MNAT1: variants seen among roughly 807,000 people sequenced by gnomAD.
MNAT1 encodes CDK-activating kinase assembly factor MAT1.
Under a neutral mutation model 42.0 loss-of-function variants are expected in MNAT1, and 43 were observed. The ratio of observed to expected loss-of-function variants is 1.02; its 90% CI spans 0.80 to 1.32. MNAT1 has a LOEUF of 1.32. MNAT1 is among the 40% of genes most tolerant of loss of function. MNAT1 has a pLI of 0.00. For synonymous variants in MNAT1, 118 were observed against 120.0 expected (o/e 0.98, Z 0.11); for missense variants, 306 against 350.4 (o/e 0.87, Z 1.01).
chr14:60,913,764 C>T (rs1263666105), intron 7 of MNAT1, among the ~76,000 whole-genome samples: 1 of 152,174 alleles, frequency 6.6e-6, no homozygotes, highest in Non-Finnish European at 1.5e-5. Flanking sequence ...AGTTAGGCTA[C>T]TCTGGGGTCA....
intron 6 of MNAT1, among the ~76,000 whole-genome samples, chr14:60,873,923 A>G (rs182020015): frequency 3.6e-4 from 55 of 152,290 alleles, no homozygotes; most frequent in Non-Finnish European, 5.9e-4. Flanking sequence ...TTATTGATTG[A>G]ACATTTAGTT....
intron 1 of MNAT1, among the ~76,000 whole-genome samples, chr14:60,784,224 A>G (rs1482351408): frequency 3.3e-5 from 3 of 91,114 alleles, no homozygotes; most frequent in Non-Finnish European, 6.1e-5. Context: ...AGGTTTTGCC[A>G]TGTTGGCCAG....
At chr14:60,927,936 T>G (rs1235221200) in intron 7 of MNAT1, among the ~76,000 whole-genome samples, 1 of 152,208 alleles carries the variant, frequency 6.6e-6, no homozygotes, top group Non-Finnish European at 1.5e-5. Flanking sequence ...TTAAACAAAG[T>G]GCCTGCATTT....
At chr14:60,814,574 A>G (rs1416280342) in intron 5 of MNAT1, among the ~76,000 whole-genome samples, 7 of 152,136 alleles carry the variant, frequency 4.6e-5, no homozygotes, top group Admixed American at 4.6e-4. Flanking sequence ...ATATGTATAT[A>G]TGTGTTCTTC....
At chr14:60,884,344 G>A (rs1594831600) in intron 7 of MNAT1, among the ~76,000 whole-genome samples, 1 of 152,126 alleles carries the variant, frequency 6.6e-6, no homozygotes, top group East Asian at 1.9e-4. Flanking sequence ...TCCTCACTCT[G>A]TTGATATGAT....
chr14:60,780,667 GAT>G, intron 1 of MNAT1: 2 of 923,474 alleles, frequency 2.2e-6, no homozygotes, highest in Non-Finnish European at 3.3e-6. Context: ...ATCTATAGTT[GAT>G]ATGTTTTATT....
At chr14:60,814,566 A>G (rs1026493598) in intron 5 of MNAT1, among the ~76,000 whole-genome samples, 10 of 152,144 alleles carry the variant, frequency 6.6e-5, no homozygotes, top group African/African-American at 2.4e-4. Context: ...TGGGGAAAAT[A>G]TGTATATATG....
intron 7 of MNAT1, among the ~76,000 whole-genome samples, chr14:60,927,520 G>C (rs1393079010): frequency 2.0e-5 from 3 of 152,164 alleles, no homozygotes; most frequent in African/African-American, 7.2e-5. Context: ...CCAGAAAGGA[G>C]CCCTGAATTC....
intron 6 of MNAT1, among the ~76,000 whole-genome samples, chr14:60,832,565 GT>G (rs1207872374): frequency 6.6e-6 from 1 of 151,948 alleles, no homozygotes; most frequent in South Asian, 2.1e-4. Flanking sequence ...GTACCATGTT[GT>G]TTTAGTTACT....
intron 7 of MNAT1, among the ~76,000 whole-genome samples, chr14:60,954,095 G>C (rs2036435425): frequency 6.6e-6 from 1 of 151,934 alleles, no homozygotes; most frequent in African/African-American, 2.4e-5. Flanking sequence ...AGGCTGTTTT[G>C]ATTACTTTAG....
chr14:60,852,793 T>A (rs1425307233), intron 6 of MNAT1, among the ~76,000 whole-genome samples: 1 of 152,238 alleles, frequency 6.6e-6, no homozygotes, highest in Non-Finnish European at 1.5e-5. Flanking sequence ...CACCATTTAT[T>A]AAATAGGGAA....
rs140445284 is a variant in MNAT1, at chr14:60,850,611, C to A, written c.688-29103C>A. On this transcript the variant is annotated intron_variant, in intron 6 of 7. Coordinates refer to ENST00000261245, the MANE Select transcript of MNAT1 (RefSeq NM_002431.4). ...TGGGACTTGGGCAAATAACCTTATT[C>A]ATGCTTGGAATAACCTTACAGTGTA... 1.9e-3 allele frequency among the ~76,000 whole-genome samples: 291 copies of A among 152,244 alleles called. 1 individual carries two copies. Among genetic ancestry groups the A allele is most frequent in the African/African-American group, 6.7e-3 (278 of 41,536 alleles).
intron 7 of MNAT1, among the ~76,000 whole-genome samples, chr14:60,939,290 C>G (rs2036082144): frequency 6.6e-6 from 1 of 152,050 alleles, no homozygotes; most frequent in African/African-American, 2.4e-5. Flanking sequence ...ATGTGTTTGT[C>G]CCTTGCTTCT....
intron 6 of MNAT1, among the ~76,000 whole-genome samples, chr14:60,827,789 T>C (rs2139378177): frequency 6.6e-6 from 1 of 152,336 alleles, no homozygotes; most frequent in African/African-American, 2.4e-5. Flanking sequence ...AATAGTCTTA[T>C]CAGATCTTAT....
intron 6 of MNAT1, among the ~76,000 whole-genome samples, chr14:60,831,420 A>T (rs949220371): frequency 2.6e-5 from 4 of 152,122 alleles, no homozygotes; most frequent in African/African-American, 9.7e-5. Context: ...GAGTGAGAAC[A>T]TGTGGTGTTT....
intron 1 of MNAT1, among the ~76,000 whole-genome samples, chr14:60,748,366 G>A (rs1314707867): frequency 2.0e-5 from 3 of 151,964 alleles, no homozygotes; most frequent in Admixed American, 6.6e-5. Flanking sequence ...GAATAGCTGC[G>A]ACTCCAGGTT....
At chr14:60,876,814 T>C (rs79444114) in intron 6 of MNAT1, among the ~76,000 whole-genome samples, 2 of 152,214 alleles carry the variant, frequency 1.3e-5, no homozygotes, top group Non-Finnish European at 2.9e-5. Flanking sequence ...CACCACATAT[T>C]GTTTATTCAT....
intron 6 of MNAT1, among the ~76,000 whole-genome samples, chr14:60,822,027 T>C (rs2032904311): frequency 6.6e-6 from 1 of 152,220 alleles, no homozygotes; most frequent in African/African-American, 2.4e-5. Flanking sequence ...CCATTACCAA[T>C]GAGAATTACA....
intron 6 of MNAT1, among the ~76,000 whole-genome samples, chr14:60,873,635 A>AT (rs11351310): frequency 2.8e-4 from 30 of 108,228 alleles, no homozygotes; most frequent in East Asian, 1.8e-3. Context: ...TGCCTGGCTA[A>AT]TTTTTTTTTT....
Sources: allele counts gnomAD v4.1 joint callset (sites outside exome capture counted in the v4.1 genomes callset), GRCh38; gene constraint gnomAD v4.1.1; transcripts MANE v1.5; gene names NCBI Gene and HGNC (gene_info 2026-07-23, HGNC 2026-07-21).